PKIB: variants seen among roughly 807,000 people sequenced by gnomAD.
PKIB encodes the protein cAMP-dependent protein kinase inhibitor beta, also known as PKI-beta.
In PKIB, 2 loss-of-function variants were observed where a neutral mutation model predicts 4.5. The observed-to-expected ratio is 0.44, with a 90% CI of 0.18 to 1.39. PKIB has a LOEUF of 1.39. Among genes scored for constraint, PKIB ranks in the 40% most tolerant of loss-of-function variants. The probability of loss-of-function intolerance (pLI) is 0.27; values close to 1 mark genes in which losing one functional copy is unlikely to be tolerated. For missense variants in PKIB, 94 were observed against 92.6 expected (o/e 1.02, Z -0.06); for synonymous variants, 38 against 36.0 (o/e 1.06, Z -0.20).
intron 2 of PKIB, among the ~76,000 whole-genome samples, chr6:122,671,884 A>T (rs1044321049): frequency 6.6e-6 from 1 of 152,194 alleles, no homozygotes; most frequent in Non-Finnish European, 1.5e-5. Context: ...TTAAAACTCA[A>T]GTTAGAAAAT....
intron 3 of PKIB, among the ~76,000 whole-genome samples, chr6:122,716,457 C>T (rs1582842093): frequency 6.6e-6 from 1 of 152,232 alleles, no homozygotes; most frequent in East Asian, 1.9e-4. Context: ...TAATGGATTC[C>T]AAAATTGTAT....
At chr6:122,548,060 A>T (rs1267146413) in intron 2 of PKIB, among the ~76,000 whole-genome samples, 1 of 152,200 alleles carries the variant, frequency 6.6e-6, no homozygotes, top group Non-Finnish European at 1.5e-5. Context: ...CACCGGCTTT[A>T]TACATAAGTT....
rs184455165 is a variant in PKIB at position 122,504,497 on chromosome 6, C to T, written c.-248+26558C>T. ...GTGCAGTTGCTCAGAAAATGCAACC[C>T]TTCATTTAAGATTCCTTGGAACTTG... On this transcript the variant is annotated intron_variant, in intron 2 of 6. Transcript: ENST00000392491. Among the ~76,000 whole-genome samples, 11 of 152,200 alleles carry T rather than the reference C, an allele frequency of 7.2e-5. No homozygotes were observed. In the East Asian group the frequency reaches 2.1e-3, roughly 29 times the overall value.
At chr6:122,665,783 T>C (rs1777199543) in intron 2 of PKIB, among the ~76,000 whole-genome samples, 1 of 152,168 alleles carries the variant, frequency 6.6e-6, no homozygotes. Context: ...GAGGTAATTG[T>C]TTTTTGATGA....
At chr6:122,600,971 TACGGAAG>T (rs1562265506) in intron 3 of PKIB, among the ~76,000 whole-genome samples, 1 of 151,638 alleles carries the variant, frequency 6.6e-6, no homozygotes, top group Non-Finnish European at 1.5e-5. Context: ...TAAATAGAGA[TACGGAAG>T]ATATGGAAAA....
At chr6:122,554,815 T>C (rs1772790184) in intron 2 of PKIB, among the ~76,000 whole-genome samples, 1 of 152,162 alleles carries the variant, frequency 6.6e-6, no homozygotes, top group Admixed American at 6.5e-5. Context: ...TACTAGACTT[T>C]TCTAAGTGAC....
chr6:122,578,727 T>C (rs1234624420), intron 2 of PKIB, among the ~76,000 whole-genome samples: 1 of 152,194 alleles, frequency 6.6e-6, no homozygotes, highest in Non-Finnish European at 1.5e-5. Flanking sequence ...CTTCCTGATA[T>C]GGCTTGGCTG....
At chr6:122,617,360 G>C (rs568477199) in intron 1 of PKIB, among the ~76,000 whole-genome samples, 264 of 152,244 alleles carry the variant, frequency 1.7e-3, no homozygotes, top group African/African-American at 6.2e-3. Context: ...TTTCTGGCAC[G>C]GTAGATCTGG....
intron 2 of PKIB, among the ~76,000 whole-genome samples, chr6:122,668,659 G>A (rs1777327767): frequency 6.6e-6 from 1 of 152,198 alleles, no homozygotes; most frequent in African/African-American, 2.4e-5. Flanking sequence ...ACCAAGCCAG[G>A]TGGGGAAGAA....
chr6:122,706,821 GA>G (rs778248442), intron 3 of PKIB, among the ~76,000 whole-genome samples: 65 of 151,928 alleles, frequency 4.3e-4, no homozygotes, highest in Non-Finnish European at 5.6e-4. Context: ...ATTCAACGAA[GA>G]AAATAGAAAT....
At chr6:122,502,545 C>T (rs1285918696) in intron 2 of PKIB, among the ~76,000 whole-genome samples, 1 of 151,896 alleles carries the variant, frequency 6.6e-6, no homozygotes, top group Admixed American at 6.6e-5. Flanking sequence ...AAGTGCTACA[C>T]ACTTTTAAAT....
At chr6:122,624,684 A>T (rs1250473007) in intron 1 of PKIB, among the ~76,000 whole-genome samples, 1 of 152,226 alleles carries the variant, frequency 6.6e-6, no homozygotes, top group African/African-American at 2.4e-5. Flanking sequence ...ATTGTGAGGC[A>T]CCATGATGTG....
At chr6:122,717,581 G>T in intron 3 of PKIB, 1 of 515,096 alleles carries the variant, frequency 1.9e-6, no homozygotes, top group Non-Finnish European at 3.4e-6. Flanking sequence ...TAGCAATCTG[G>T]CTCACACTGA....
intron 2 of PKIB, among the ~76,000 whole-genome samples, chr6:122,507,495 G>A (rs1776444923): frequency 6.6e-6 from 1 of 152,158 alleles, no homozygotes; most frequent in Non-Finnish European, 1.5e-5. Context: ...CTTGAAGTTA[G>A]TGGGTTTTGT....
chr6:122,576,551 C>A (rs945811137), intron 2 of PKIB, among the ~76,000 whole-genome samples: 1 of 149,586 alleles, frequency 6.7e-6, no homozygotes, highest in African/African-American at 2.5e-5. Flanking sequence ...GCCTGTAGTC[C>A]CAGCTAATCG....
At chr6:122,534,112 C>T (rs996660657) in intron 2 of PKIB, among the ~76,000 whole-genome samples, 1 of 149,432 alleles carries the variant, frequency 6.7e-6, no homozygotes, top group African/African-American at 2.4e-5. Context: ...AACTAATGAA[C>T]TAATCTATGC....
intron 2 of PKIB, among the ~76,000 whole-genome samples, chr6:122,568,027 C>T (rs1375836744): frequency 6.6e-6 from 1 of 151,872 alleles, no homozygotes. Context: ...AAAATATAGA[C>T]AGAATTAATT....
chr6:122,645,655 G>C (rs907639940), intron 2 of PKIB, among the ~76,000 whole-genome samples: 6 of 152,226 alleles, frequency 3.9e-5, no homozygotes, highest in African/African-American at 7.2e-5. Flanking sequence ...AACCTGGATA[G>C]ACCAGCACAG....
chr6:122,680,622 G>A (rs918809459), intron 3 of PKIB, among the ~76,000 whole-genome samples: 1 of 152,152 alleles, frequency 6.6e-6, no homozygotes, highest in Non-Finnish European at 1.5e-5. Flanking sequence ...GAATGGGACT[G>A]CCAGACAGGA....
Sources: allele counts gnomAD v4.1 joint callset (sites outside exome capture counted in the v4.1 genomes callset), GRCh38; gene constraint gnomAD v4.1.1; transcripts MANE v1.5; gene names NCBI Gene and HGNC (gene_info 2026-07-23, HGNC 2026-07-21).